Variants in RGS10 observed in about 807,000 individuals in gnomAD.
RGS10 encodes the protein regulator of G protein signaling 10.
RGS10 carries 11 observed loss-of-function variants against 23.5 expected under a neutral mutation model. The observed-to-expected ratio is 0.47, with a 90% confidence interval of 0.29 to 0.77. The LOEUF (loss-of-function observed/expected upper bound fraction) is 0.77, where lower values mean the gene tolerates loss of function less well. RGS10 is among the 30% of genes least tolerant of loss of function. The pLI is 0.08. For missense variants in RGS10, 180 were observed against 226.3 expected (o/e 0.80, Z 1.31); for synonymous variants, 77 against 83.2 (o/e 0.92, Z 0.41).
chr10:119,536,722 G>A (rs1218663679), intron 1 of RGS10, among the ~76,000 whole-genome samples: 1 of 152,112 alleles, frequency 6.6e-6, no homozygotes, highest in Non-Finnish European at 1.5e-5. Context: ...CACTTTCTAG[G>A]CAAAGTCCAG....
chr10:119,522,504 A>C (rs1203065962), intron 3 of RGS10, among the ~76,000 whole-genome samples: 3 of 152,124 alleles, frequency 2.0e-5, no homozygotes, highest in Admixed American at 1.3e-4. Context: ...GGATCATCTG[A>C]GGTCAGGAGT....
Position 119,542,594 on chromosome 10 carries a change from C to G in RGS10, c.45G>C (p.Pro15=), listed in dbSNP as rs1343069670. Residue 15 remains proline, a synonymous_variant, in exon 1 of 5, where the codon CCG becomes CCC. Transcript: ENST00000369103. ...CGGGCCCCCGAAGCCGCTTACCTGA[C>G]GGCGGCCGCTTCCTGCTCAGCCGGC... The part of the protein sequence containing the change: ...AVSRLSRKRP[P]SDIHDSDGSS... 1.4e-6 allele frequency: 2 copies of G among 1,423,710 alleles called. No homozygotes were observed. Among genetic ancestry groups the G allele is most frequent in the Non-Finnish European group, 9.2e-7 (1 of 1,086,654 alleles). 88.2% of individuals were successfully genotyped at this position (1,423,710 alleles called of 1,614,324 possible).
chr10:119,526,234 G>A (rs1259272811), intron 2 of RGS10, 116 bp from the exon 3 acceptor site: 1 of 512,450 alleles, frequency 2.0e-6, no homozygotes, highest in African/African-American at 2.0e-5. Context: ...GCATGGTTCA[G>A]TTACTCTTCG....
chr10:119,529,019 G>C (rs1447971828), intron 1 of RGS10, among the ~76,000 whole-genome samples: 2 of 152,116 alleles, frequency 1.3e-5, no homozygotes, highest in Non-Finnish European at 2.9e-5. Context: ...GAGGAACAGG[G>C]AATCTCCAAA....
At chr10:119,512,998 T>C (rs1844096240) in intron 4 of RGS10, among the ~76,000 whole-genome samples, 1 of 152,210 alleles carries the variant, frequency 6.6e-6, no homozygotes, top group African/African-American at 2.4e-5. Flanking sequence ...ATATGTGTAT[T>C]TATAGAAAAA....
intron 1 of RGS10, among the ~76,000 whole-genome samples, chr10:119,534,391 G>C (rs1589842827): frequency 7.2e-6 from 1 of 138,440 alleles, no homozygotes; most frequent in African/African-American, 2.7e-5. Flanking sequence ...AGGAGTTCAA[G>C]ACCAGCCTGA....
chr10:119,524,718 GGA>G lies in RGS10; in HGVS notation c.255+1312_255+1313del, dbSNP rs1844254258. Reference sequence around the variant, plus strand: ...GAGGCTCCGGCCAACGTCATCCAGAGGAGAGAAAAAGCCAGAAAGCAAAATCC... The same window carrying G: ...GAGGCTCCGGCCAACGTCATCCAGAGGAGAAAAAGCCAGAAAGCAAAATCC... On this transcript the variant is annotated intron_variant, in intron 3 of 4. Coordinates refer to ENST00000369103, the MANE Select transcript of RGS10 (RefSeq NM_001005339.2). This position sits in a 1 kb window ranked among gnomAD's most constrained non-coding sequence, Gnocchi z 5.2. 6.6e-6 allele frequency among the ~76,000 whole-genome samples: 1 copy of G among 152,140 alleles called. No individual in the cohort carries two copies. Among genetic ancestry groups the G allele is most frequent in the African/African-American group, 2.4e-5 (1 of 41,440 alleles).
chr10:119,535,408 G>A (rs575889625), intron 1 of RGS10, among the ~76,000 whole-genome samples: 1 of 152,290 alleles, frequency 6.6e-6, no homozygotes, highest in East Asian at 1.9e-4. Flanking sequence ...TTTCAAGGAT[G>A]GGTGAAGCAT....
intron 4 of RGS10, among the ~76,000 whole-genome samples, chr10:119,504,368 G>A (rs921880953): frequency 1.3e-5 from 2 of 152,102 alleles, no homozygotes; most frequent in African/African-American, 4.8e-5. Context: ...TAGAGACGGG[G>A]TTTCACCACA....
chr10:119,513,709 T>A lies in RGS10; in HGVS notation c.399+1800A>T, dbSNP rs149627727. ...AACTCTCCCATTCCTCATCCTACCT[T>A]GGCTCCCGCAGTCCTGGGAAGTGGG... On this transcript the variant is annotated intron_variant, in intron 4 of 4. Transcript: ENST00000369103. 4.5e-3 allele frequency among the ~76,000 whole-genome samples: 687 copies of A among 152,244 alleles called. 3 individuals carry two copies. Among genetic ancestry groups the A allele is most frequent in the African/African-American group, 0.016 (658 of 41,544 alleles).
chr10:119,520,828 A>T (rs1564712665), intron 3 of RGS10, among the ~76,000 whole-genome samples: 2 of 151,680 alleles, frequency 1.3e-5, no homozygotes, highest in South Asian at 2.1e-4. Flanking sequence ...AAAAAAAATT[A>T]AAAAATAGGA....
rs150992009 is a variant in RGS10 at position 119,540,195 on chromosome 10, C to T, written c.49+2395G>A. The stretch of plus-strand genomic sequence containing the variant: ...GGAGTGGAGGCATCCAGTACCAATC[C>T]ATGATGTTTAGTGGCTGATCTTCCT... On this transcript the variant is annotated intron_variant, in intron 1 of 4. Coordinates refer to ENST00000369103, the MANE Select transcript of RGS10 (RefSeq NM_001005339.2). 1.9e-4 allele frequency among the ~76,000 whole-genome samples: 29 copies of T among 152,260 alleles called. 1 individual carries two copies. The highest frequency in any genetic ancestry group is 1.9e-3 in the Admixed American group (29 of 15,292).
At chr10:119,503,729 C>A (rs976633924) in intron 4 of RGS10, among the ~76,000 whole-genome samples, 1 of 152,176 alleles carries the variant, frequency 6.6e-6, no homozygotes, top group African/African-American at 2.4e-5. Flanking sequence ...TCTCCTGAGG[C>A]CGCTGTCCTC....
At chr10:119,541,183 C>T (rs939473925) in intron 1 of RGS10, among the ~76,000 whole-genome samples, 6 of 152,148 alleles carry the variant, frequency 3.9e-5, no homozygotes, top group Non-Finnish European at 7.3e-5. Flanking sequence ...AAGGTTAGAA[C>T]CAAGAGTTTA....
At chr10:119,513,094 T>C (rs1006003640) in intron 4 of RGS10, among the ~76,000 whole-genome samples, 1 of 152,282 alleles carries the variant, frequency 6.6e-6, no homozygotes. Flanking sequence ...TTCTTCTTTA[T>C]ATTTTTGTTT....
rs781481657 is a variant in RGS10 at position 119,527,449 on chromosome 10, T to C, written c.50-25A>G. The C allele has an allele frequency of 2.1e-5, 32 of 1,558,106 alleles. No homozygotes were observed. In the South Asian group the frequency reaches 3.4e-4, roughly 17 times the overall value. ...TCTGCAAAGCAAAGTTCAGACTGCA[T>C]ATGTGGCCAACAGACACTGTCATTT... is the stretch of plus-strand genomic sequence containing the variant. On this transcript the variant is annotated intron_variant, in intron 1 of 4. Coordinates refer to ENST00000369103, the MANE Select transcript of RGS10 (RefSeq NM_001005339.2). The surrounding 1 kb of genome is among the most constrained non-coding windows in gnomAD (Gnocchi z 4.2).
chr10:119,509,960 G>C (rs555624181), intron 4 of RGS10, among the ~76,000 whole-genome samples: 7 of 152,062 alleles, frequency 4.6e-5, no homozygotes, highest in Admixed American at 4.6e-4. Context: ...GAGGGGGAAG[G>C]GGGGAGAGGG....
At position 119,509,582 on chromosome 10, in the gene RGS10, C is replaced by A. The variant is rs1488615653; in HGVS notation, c.399+5927G>T. 4.6e-5 allele frequency among the ~76,000 whole-genome samples: 7 copies of A among 152,046 alleles called. No homozygotes were observed. In the East Asian group the frequency reaches 1.2e-3, roughly 25 times the overall value. Reference sequence around the variant, plus strand: ...CTCCAGCCTGGGTGACAGAGTGAGACCCTGCCTCAAAAATATATATATAAA... The same window carrying A: ...CTCCAGCCTGGGTGACAGAGTGAGAACCTGCCTCAAAAATATATATATAAA... On this transcript the variant is annotated intron_variant, in intron 4 of 4. Coordinates refer to ENST00000369103, the MANE Select transcript of RGS10 (RefSeq NM_001005339.2).
chr10:119,532,233 A>G (rs1362486017), intron 1 of RGS10, among the ~76,000 whole-genome samples: 1 of 152,162 alleles, frequency 6.6e-6, no homozygotes, highest in Non-Finnish European at 1.5e-5. Flanking sequence ...ATCAGTATAG[A>G]CAGATCTTGA....
Sources: gnomAD v4.1 joint callset for allele counts (sites outside exome capture counted in the v4.1 genomes callset) on GRCh38, gnomAD v4.1.1 for gene constraint, Gnocchi (gnomAD v3.1) non-coding constraint, MANE v1.5 for transcripts, NCBI Gene and HGNC (gene_info 2026-07-23, HGNC 2026-07-21) for gene names.